The following IL20RA variants were observed in gnomAD, a reference collection of about 807,000 sequenced individuals.
IL20RA encodes the protein interleukin 20 receptor subunit alpha.
IL20RA carries 29 observed loss-of-function variants against 36.5 expected under a neutral mutation model. That is an observed-to-expected ratio of 0.79 (90% CI 0.59 to 1.08). IL20RA has a LOEUF of 1.08. Among genes scored for constraint, IL20RA ranks in the 50% least tolerant of loss-of-function variants. The pLI is 0.00. For synonymous variants in IL20RA, 279 were observed against 267.1 expected (o/e 1.04, Z -0.43); for missense variants, 652 against 668.4 (o/e 0.98, Z 0.27).
At chr6:137,029,738 AG>A (rs993009104) in intron 1 of IL20RA, among the ~76,000 whole-genome samples, 9 of 152,204 alleles carry the variant, frequency 5.9e-5, no homozygotes, top group Non-Finnish European at 1.3e-4. Flanking sequence ...AGTACTGAAA[AG>A]AATAGCTGTT....
chr6:137,020,683 T>A (rs1434614086), intron 1 of IL20RA, among the ~76,000 whole-genome samples: 2 of 152,218 alleles, frequency 1.3e-5, no homozygotes, highest in African/African-American at 2.4e-5. Flanking sequence ...TTTGAATTTT[T>A]TTTTAAAAAA....
chr6:137,017,493 A>C (rs1371360379), intron 1 of IL20RA, among the ~76,000 whole-genome samples: 2 of 152,214 alleles, frequency 1.3e-5, no homozygotes, highest in African/African-American at 4.8e-5. Context: ...ACCTCGTGTG[A>C]GATCAGCAGA....
rs988227465 is a variant in IL20RA at position 137,009,449 on chromosome 6, C to T, written c.447G>A (p.Lys149=). The change falls in exon 4 of 7, where the codon AAG becomes AAA. Residue 149 remains lysine, a synonymous_variant. Coordinates refer to ENST00000316649, the MANE Select transcript of IL20RA (RefSeq NM_014432.4). ...GAGCTGTCAGGACAACAGAAATGGA[C>T]TTCTCATCTGTAGTCAGTGCCACCT... The part of the protein sequence containing the change: ...PPEVALTTDE[K]SISVVLTAPE... The T allele has an allele frequency of 6.2e-7, 1 of 1,613,012 alleles. No individual in the cohort carries two copies. Among genetic ancestry groups the T allele is most frequent in the Non-Finnish European group, 8.5e-7 (1 of 1,179,040 alleles).
chr6:137,044,749 A>G lies in IL20RA; in HGVS notation c.-21T>C. ...CGCATGGGCGGCGGGGCTGGGTCAC[A>G]TGTCGGGGGGCAGCAGACTGCTCAG... On this transcript the variant is annotated 5_prime_UTR_variant, in exon 1 of 7. The change abolishes an upstream ATG in the 5' untranslated region. Transcript: ENST00000316649. The G allele has an allele frequency of 8.2e-7, 1 of 1,213,046 alleles. No homozygotes were observed. Among genetic ancestry groups the G allele is most frequent in the Non-Finnish European group, 1.0e-6 (1 of 976,186 alleles). The allele number at this position is 1,213,046 out of a possible 1,614,324, so 75.1% of individuals were successfully genotyped here.
Position 137,001,579 on chromosome 6 carries a change from T to C in IL20RA, c.1641A>G (p.Leu547=). 6.4e-7 allele frequency: 1 copy of C among 1,571,096 alleles called. No homozygotes were observed. The highest frequency in any genetic ancestry group is 8.6e-7 in the Non-Finnish European group (1 of 1,157,298). ...GGCATCAGTTTTCCATCTGCACATATAACCCCCATTCCTCCATGAATTGCA... is the reference window on the plus strand; with the variant it reads ...GGCATCAGTTTTCCATCTGCACATACAACCCCCATTCCTCCATGAATTGCA... The part of the protein sequence containing the change: ...YLMQFMEEWG[L]YVQMEN Residue 547 remains leucine, a synonymous_variant, in exon 7 of 7, where the codon TTA becomes TTG. Coordinates refer to ENST00000316649, the MANE Select transcript of IL20RA (RefSeq NM_014432.4).
intron 1 of IL20RA, among the ~76,000 whole-genome samples, chr6:137,027,211 A>T (rs761530825): frequency 6.6e-6 from 1 of 152,180 alleles, no homozygotes; most frequent in African/African-American, 2.4e-5. Flanking sequence ...CAGCACTTAC[A>T]ATATGATTCA....
chr6:137,030,543 A>T (rs1776243520), intron 1 of IL20RA, among the ~76,000 whole-genome samples: 1 of 152,178 alleles, frequency 6.6e-6, no homozygotes, highest in Admixed American at 6.5e-5. Flanking sequence ...ACTCATAAAG[A>T]CCACATGTCC....
At chr6:137,031,245 A>G (rs570360347) in intron 1 of IL20RA, among the ~76,000 whole-genome samples, 18 of 152,296 alleles carry the variant, frequency 1.2e-4, no homozygotes, top group African/African-American at 4.1e-4. Flanking sequence ...CTTTCAGCCT[A>G]TAACAGCCAC....
At chr6:137,030,965 T>G (rs1776257193) in intron 1 of IL20RA, among the ~76,000 whole-genome samples, 1 of 152,284 alleles carries the variant, frequency 6.6e-6, no homozygotes, top group Non-Finnish European at 1.5e-5. Context: ...ATTCTCACCT[T>G]TTATACTTAT....
At chr6:137,006,975 C>T (rs771947) in intron 5 of IL20RA, among the ~76,000 whole-genome samples, 130,281 of 152,132 alleles carry the variant, frequency 0.86, 59,306 homozygotes, top group East Asian at 1. Flanking sequence ...TCTCCTGCCT[C>T]GGCCTCCCAA....
intron 5 of IL20RA, 51 bp from the exon 6 acceptor site, chr6:137,004,811 T>C: frequency 6.7e-7 from 1 of 1,503,648 alleles, no homozygotes; most frequent in Non-Finnish European, 9.0e-7. Context: ...ATTAGATAGT[T>C]GTGATTTGAT....
intron 1 of IL20RA, among the ~76,000 whole-genome samples, chr6:137,020,573 G>T: frequency 6.7e-6 from 1 of 149,926 alleles, no homozygotes. Flanking sequence ...CTTTCTAATA[G>T]TTTGATTTTA....
intron 1 of IL20RA, among the ~76,000 whole-genome samples, chr6:137,037,296 C>T (rs571710432): frequency 6.6e-6 from 1 of 152,120 alleles, no homozygotes; most frequent in East Asian, 1.9e-4. Flanking sequence ...GATTGCTACC[C>T]TCAAAAAACA....
chr6:137,009,557 A>G (rs935524199), intron 3 of IL20RA, 65 bp from the exon 4 acceptor site: 1 of 975,298 alleles, frequency 1.0e-6, no homozygotes, highest in African/African-American at 1.7e-5. Context: ...TAAAGCTACC[A>G]TATAATCCTA....
rs531501235 is a variant in IL20RA at position 137,004,159 on chromosome 6, C to CGTTTTTT, written c.864+461_864+462insAAAAAAC. On this transcript the variant is annotated intron_variant, in intron 6 of 6. Coordinates refer to ENST00000316649, the MANE Select transcript of IL20RA (RefSeq NM_014432.4). ...TCTGTTAGTCAGCTAATCCAGAAAG[C>CGTTTTTT]TTTTTTTTTTTTTTTTTTTTTTTTT... Among the ~76,000 whole-genome samples, 26 of 88,016 alleles carry CGTTTTTT rather than the reference C, an allele frequency of 3.0e-4. 13 individuals are homozygous for CGTTTTTT. Among genetic ancestry groups the CGTTTTTT allele is most frequent in the Non-Finnish European group, 3.3e-4 (16 of 49,124 alleles). 57.7% of individuals were successfully genotyped at this position (88,016 alleles called of 152,430 possible).
chr6:137,003,518 C>T (rs1744061), intron 6 of IL20RA, among the ~76,000 whole-genome samples: 29,114 of 152,138 alleles, frequency 0.19, 3,478 homozygotes, highest in Non-Finnish European at 0.27. Context: ...ATCCCACTCT[C>T]GCCTGTTAGA....
Position 137,001,389 on chromosome 6 carries a change from A to G in IL20RA, c.*169T>C. On this transcript the variant is annotated 3_prime_UTR_variant, in exon 7 of 7. Coordinates refer to ENST00000316649, the MANE Select transcript of IL20RA (RefSeq NM_014432.4). ...CATCATTGTTAAGAGACCTACATGCATGAACCAATCACACACGTGCTATGA... is the reference window on the plus strand; with the variant it reads ...CATCATTGTTAAGAGACCTACATGCGTGAACCAATCACACACGTGCTATGA... 5 of 614,606 alleles carry G rather than the reference A, an allele frequency of 8.1e-6. No individual in the cohort carries two copies. Among genetic ancestry groups the G allele is most frequent in the Non-Finnish European group, 1.4e-5 (5 of 363,360 alleles). The allele number at this position is 614,606 out of a possible 1,614,324, so 38.1% of individuals were successfully genotyped here. A position where few individuals can be genotyped will look rare whatever the true frequency, so the allele number is the denominator to read the frequency against.
Position 137,001,467 on chromosome 6 carries a change from A to T in IL20RA, c.*91T>A. On this transcript the variant is annotated 3_prime_UTR_variant, in exon 7 of 7. Coordinates refer to ENST00000316649, the MANE Select transcript of IL20RA (RefSeq NM_014432.4). ...CACAGACACTGACAAACTGGAAAAA[A>T]CTTCTTTCATCCCAGGTACTTTATG... 1.6e-6 allele frequency: 2 copies of T among 1,222,572 alleles called. No homozygotes were observed. Among genetic ancestry groups the T allele is most frequent in the Non-Finnish European group, 2.3e-6 (2 of 876,652 alleles). 75.7% of individuals were successfully genotyped at this position (1,222,572 alleles called of 1,614,324 possible).
At chr6:137,004,159 CTT>C (rs140038413) in intron 6 of IL20RA, among the ~76,000 whole-genome samples, 29,085 of 87,352 alleles carry the variant, frequency 0.33, 8,675 homozygotes, top group South Asian at 0.46. Flanking sequence ...ATCCAGAAAG[CTT>C]TTTTTTTTTT....
Sources: allele counts gnomAD v4.1 joint callset (sites outside exome capture counted in the v4.1 genomes callset), GRCh38; gene constraint gnomAD v4.1.1; transcripts MANE v1.5; gene names NCBI Gene and HGNC (gene_info 2026-07-23, HGNC 2026-07-21).